The following LYN variants were observed in gnomAD, a reference collection of about 807,000 sequenced individuals.
LYN encodes the protein LYN proto-oncogene, Src family tyrosine kinase, also known as tyrosine-protein kinase Lyn.
In LYN, 12 loss-of-function variants were observed where a neutral mutation model predicts 65.0. The ratio of observed to expected loss-of-function variants is 0.18; its 90% CI spans 0.12 to 0.30. The LOEUF (loss-of-function observed/expected upper bound fraction) is 0.30. LYN is among the 10% of genes least tolerant of loss of function. The pLI, the probability that LYN is intolerant of heterozygous loss-of-function variation, is 1.00. For missense variants in LYN, 380 were observed against 623.2 expected (o/e 0.61, Z 4.16); for synonymous variants, 222 against 221.2 (o/e 1.00, Z -0.03).
chr8:55,970,521 A>G (rs139765598), intron 10 of LYN, among the ~76,000 whole-genome samples: 87 of 152,262 alleles, frequency 5.7e-4, no homozygotes, highest in African/African-American at 2.0e-3. Context: ...AGTATTGGCA[A>G]TCGGTGGTTT....
chr8:55,913,988 A>T (rs751570949), intron 1 of LYN, among the ~76,000 whole-genome samples: 2 of 152,154 alleles, frequency 1.3e-5, no homozygotes, highest in African/African-American at 2.4e-5. Context: ...GCTCTATCAG[A>T]TGAGCAATGA....
chr8:55,925,100 G>C (rs1001300895), intron 1 of LYN, among the ~76,000 whole-genome samples: 24 of 151,806 alleles, frequency 1.6e-4, no homozygotes, highest in Non-Finnish European at 2.9e-4. Context: ...TGGGATTACA[G>C]GCGTGAGCCA....
intron 1 of LYN, among the ~76,000 whole-genome samples, chr8:55,901,635 A>G (rs972264470): frequency 6.6e-6 from 1 of 152,148 alleles, no homozygotes; most frequent in Non-Finnish European, 1.5e-5. Context: ...GAGGTCCTGC[A>G]TGAATATTTT....
At chr8:55,895,410 A>G (rs957459947) in intron 1 of LYN, among the ~76,000 whole-genome samples, 1 of 151,772 alleles carries the variant, frequency 6.6e-6, no homozygotes, top group Non-Finnish European at 1.5e-5. Context: ...GTAACACTGT[A>G]GTAGCTAATG....
At chr8:55,922,392 C>T (rs1374214912) in intron 1 of LYN, among the ~76,000 whole-genome samples, 5 of 151,986 alleles carry the variant, frequency 3.3e-5, no homozygotes, top group African/African-American at 4.8e-5. Context: ...ACCTGGCTGA[C>T]ATCACAATTT....
Position 56,011,531 on chromosome 8 carries a change from A to G in LYN, c.*1421A>G. 5.2e-6 allele frequency: 1 copy of G among 192,900 alleles called. No individual in the cohort carries two copies. The highest frequency in any genetic ancestry group is 1.1e-5 in the Non-Finnish European group (1 of 92,506). 11.9% of individuals were successfully genotyped at this position (192,900 alleles called of 1,614,324 possible). On this transcript the variant is annotated 3_prime_UTR_variant, in exon 13 of 13. Coordinates refer to ENST00000519728, the MANE Select transcript of LYN (RefSeq NM_002350.4). ...TACCTCCTTCCTTTGAACATTTCAG[A>G]TTGGAGAACCAAGGAGTTGATTGCC...
At chr8:55,897,737 C>A (rs1445746718) in intron 1 of LYN, among the ~76,000 whole-genome samples, 1 of 151,998 alleles carries the variant, frequency 6.6e-6, no homozygotes, top group Non-Finnish European at 1.5e-5. Flanking sequence ...CATAGTGAGA[C>A]CTCATCTCTA....
intron 1 of LYN, among the ~76,000 whole-genome samples, chr8:55,929,917 C>A (rs138134532): frequency 1.3e-5 from 2 of 152,326 alleles, no homozygotes; most frequent in African/African-American, 4.8e-5. Flanking sequence ...GGTCTGTGGC[C>A]TGTTAGGAAC....
rs889649858 is a variant in LYN at position 56,012,547 on chromosome 8, G to A, written c.*2437G>A. Reference sequence around the variant, plus strand: ...GACACCAGCCTGAGCAATATAGCAAGTCTCTACAAAAAATTTTAAAAATTA... The same window carrying A: ...GACACCAGCCTGAGCAATATAGCAAATCTCTACAAAAAATTTTAAAAATTA... On this transcript the variant is annotated 3_prime_UTR_variant, in exon 13 of 13. Coordinates refer to ENST00000519728, the MANE Select transcript of LYN (RefSeq NM_002350.4). 20 of 155,626 alleles carry A rather than the reference G, an allele frequency of 1.3e-4. No individual in the cohort carries two copies. The highest frequency in any genetic ancestry group is 3.1e-4 in the African/African-American group (13 of 41,528). 9.6% of individuals were successfully genotyped at this position (155,626 alleles called of 1,614,324 possible).
rs548415634 is a variant in LYN at position 55,970,609 on chromosome 8, A to G, written c.1050+816A>G. Among the ~76,000 whole-genome samples, 61 of 152,046 alleles carry G rather than the reference A, an allele frequency of 4.0e-4. 1 individual carries two copies. The highest frequency in any genetic ancestry group is 1.4e-3 in the African/African-American group (59 of 41,462). On this transcript the variant is annotated intron_variant, in intron 10 of 12. Transcript: ENST00000519728. ...CTGGTCCCTATAGTCTTCCTTTTTCACTGCCACTTCTTCCCTCACACCCTC... is the reference window on the plus strand; with the variant it reads ...CTGGTCCCTATAGTCTTCCTTTTTCGCTGCCACTTCTTCCCTCACACCCTC...
intron 10 of LYN, among the ~76,000 whole-genome samples, chr8:55,972,954 G>C (rs1298088710): frequency 1.3e-5 from 2 of 152,210 alleles, no homozygotes; most frequent in African/African-American, 2.4e-5. Context: ...AATAGCGTCA[G>C]AGTTGGGAAA....
rs567313067 is a variant in LYN at position 55,888,834 on chromosome 8, G to A, written c.-6+8731G>A. 5.3e-5 allele frequency among the ~76,000 whole-genome samples: 8 copies of A among 152,084 alleles called. No homozygotes were observed. The East Asian group carries it at 1.4e-3, about 26-fold the overall frequency. On this transcript the variant is annotated intron_variant, in intron 1 of 12. Coordinates refer to ENST00000519728, the MANE Select transcript of LYN (RefSeq NM_002350.4). ...CACCAGGGATTTGGCCACCACGCCT[G>A]GCCGAATCCCTGGTTTTAAGCAAAA...
intron 1 of LYN, among the ~76,000 whole-genome samples, chr8:55,897,617 G>T (rs1805153903): frequency 6.6e-6 from 1 of 152,004 alleles, no homozygotes; most frequent in Non-Finnish European, 1.5e-5. Context: ...TTAGCCATCA[G>T]AATAACTTTT....
At chr8:55,928,254 T>G (rs951023350) in intron 1 of LYN, among the ~76,000 whole-genome samples, 2 of 152,318 alleles carry the variant, frequency 1.3e-5, no homozygotes, top group South Asian at 2.1e-4. Context: ...CAAGTGATTC[T>G]CATGCTTCAC....
chr8:56,000,062 A>G (rs560960714), intron 12 of LYN, among the ~76,000 whole-genome samples: 4 of 152,182 alleles, frequency 2.6e-5, no homozygotes, highest in African/African-American at 9.6e-5. Flanking sequence ...CCTTATTTTG[A>G]GTGTGTGTTC....
chr8:55,985,234 A>G (rs998973328), intron 10 of LYN, among the ~76,000 whole-genome samples: 2 of 152,228 alleles, frequency 1.3e-5, no homozygotes, highest in Non-Finnish European at 2.9e-5. Flanking sequence ...ATCACTAGGC[A>G]TGGACAAGTC....
At chr8:55,952,238 G>A in intron 7 of LYN, 123 bp downstream of exon 7, 3 of 753,700 alleles carry the variant, frequency 4.0e-6, no homozygotes, top group East Asian at 6.0e-5. Context: ...ACAGTTGCAG[G>A]TCATATTCTA....
At position 55,966,763 on chromosome 8, in the gene LYN, G is replaced by A. The variant is rs1807471388; in HGVS notation, c.839G>A (p.Gly280Glu). ...GTGGCTGTGAAAACCCTGAAGCCAGGAACTATGTCTGTGCAAGCCTTCCTG... is the reference window on the plus strand; with the variant it reads ...GTGGCTGTGAAAACCCTGAAGCCAGAAACTATGTCTGTGCAAGCCTTCCTG... ...TKVAVKTLKP[G>E]TMSVQAFLEE... is the part of the protein sequence containing the mutation. Residue 280 changes from glycine to glutamate, a missense_variant, in exon 9 of 13, where the codon GGA becomes GAA. By Grantham distance (98) the Gly-to-Glu change is moderately conservative. This residue lies in a region of LYN where 223 missense variants were observed against 430.0 expected (regional missense o/e 0.52). Transcript: ENST00000519728. The A allele has an allele frequency of 6.2e-7, 1 of 1,614,086 alleles. No individual in the cohort carries two copies. The highest frequency in any genetic ancestry group is 8.5e-7 in the Non-Finnish European group (1 of 1,179,986).
chr8:55,939,616 G>C (rs1029407571), intron 1 of LYN, among the ~76,000 whole-genome samples: 3 of 152,218 alleles, frequency 2.0e-5, no homozygotes, highest in Admixed American at 6.5e-5. Flanking sequence ...GAGCTGGATC[G>C]AGCGGCCCGG....
Sources: gnomAD v4.1 joint callset for allele counts (sites outside exome capture counted in the v4.1 genomes callset) on GRCh38, gnomAD v4.1.1 for gene constraint, gnomAD v4.1.1 regional missense constraint, MANE v1.5 for transcripts, NCBI Gene and HGNC (gene_info 2026-07-23, HGNC 2026-07-21) for gene names.